Variants in CACNA2D1 observed in about 807,000 individuals in gnomAD.
CACNA2D1 encodes calcium voltage-gated channel auxiliary subunit alpha2delta 1.
In CACNA2D1, 53 loss-of-function variants were observed where a neutral mutation model predicts 171.5. The observed-to-expected ratio is 0.31, with a 90% confidence interval of 0.25 to 0.39. CACNA2D1 has a LOEUF of 0.39. Ranked by LOEUF, CACNA2D1 falls within the 10% of genes least tolerant of loss-of-function variation. The pLI is 1.00. For synonymous variants in CACNA2D1, 442 were observed against 443.1 expected (o/e 1.00, Z 0.03); for missense variants, 903 against 1,299.8 (o/e 0.69, Z 4.69).
rs555567039 is a variant in CACNA2D1, at chr7:82,226,432, CTT to C, written c.295-55825_295-55824del. On this transcript the variant is annotated intron_variant, in intron 3 of 38. Transcript: ENST00000356860. ...ATAGACTTCCTTCCTGGGATGAACA[CTT>C]TTCCTATTACCCATCCCTTCTAGAG... Among the ~76,000 whole-genome samples the C allele has an allele frequency of 1.1e-4, 16 of 152,180 alleles. No homozygotes were observed. In the South Asian group the frequency reaches 3.3e-3, roughly 32 times the overall value.
At chr7:82,334,924 A>G (rs1817806745) in intron 3 of CACNA2D1, among the ~76,000 whole-genome samples, 1 of 151,886 alleles carries the variant, frequency 6.6e-6, no homozygotes, top group Non-Finnish European at 1.5e-5. Flanking sequence ...AACACAGATT[A>G]TTAAAATATA....
chr7:81,951,969 G>GTTTTTT (rs774805421), intron 38 of CACNA2D1, among the ~76,000 whole-genome samples: 6,314 of 71,298 alleles, frequency 0.089, 272 homozygotes, highest in East Asian at 0.21. Context: ...TGTACAAAGT[G>GTTTTTT]TTTTTTTTTT....
chr7:82,138,736 G>A (rs536246928), intron 4 of CACNA2D1, among the ~76,000 whole-genome samples: 58 of 152,142 alleles, frequency 3.8e-4, no homozygotes, highest in African/African-American at 1.3e-3. Flanking sequence ...GTGAGCCACC[G>A]CGCCCGACCT....
At chr7:82,184,743 AT>A (rs1797489217) in intron 3 of CACNA2D1, among the ~76,000 whole-genome samples, 1 of 152,202 alleles carries the variant, frequency 6.6e-6, no homozygotes, top group African/African-American at 2.4e-5. Flanking sequence ...ACATCATGTT[AT>A]TAAGAATAAT....
intron 27 of CACNA2D1, 119 bp from the exon 28 acceptor site, chr7:81,970,103 T>A: frequency 1.4e-6 from 1 of 709,556 alleles, no homozygotes; most frequent in South Asian, 1.5e-5. Flanking sequence ...CTAAAGAAGT[T>A]AGTGGTAATT....
At chr7:82,190,634 T>G (rs1442825814) in intron 3 of CACNA2D1, among the ~76,000 whole-genome samples, 1 of 151,786 alleles carries the variant, frequency 6.6e-6, no homozygotes, top group Admixed American at 6.6e-5. Flanking sequence ...AATACTTTCA[T>G]ACCAAATTTT....
At chr7:82,378,203 T>A (rs1823237471) in intron 1 of CACNA2D1, among the ~76,000 whole-genome samples, 1 of 152,088 alleles carries the variant, frequency 6.6e-6, no homozygotes, top group Non-Finnish European at 1.5e-5. Flanking sequence ...TTCAAGACCA[T>A]CCTGGGCAAC....
chr7:82,270,200 A>G (rs2129348293), intron 3 of CACNA2D1, among the ~76,000 whole-genome samples: 1 of 152,126 alleles, frequency 6.6e-6, no homozygotes, highest in East Asian at 1.9e-4. Flanking sequence ...TTGCTTTTTT[A>G]GTATTTATCC....
At chr7:82,306,823 T>A (rs1185323439) in intron 3 of CACNA2D1, among the ~76,000 whole-genome samples, 1 of 151,674 alleles carries the variant, frequency 6.6e-6, no homozygotes, top group African/African-American at 2.4e-5. Context: ...AAAGAAAACC[T>A]TTTAGTGAGT....
chr7:82,417,767 A>T (rs1444360217), intron 1 of CACNA2D1, among the ~76,000 whole-genome samples: 1 of 152,208 alleles, frequency 6.6e-6, no homozygotes, highest in Non-Finnish European at 1.5e-5. Context: ...AGGAAAGGTA[A>T]AGGCAAAGAT....
intron 3 of CACNA2D1, among the ~76,000 whole-genome samples, chr7:82,273,366 A>C (rs6953724): frequency 0.079 from 12,006 of 151,820 alleles, 1,513 homozygotes; most frequent in African/African-American, 0.27. Context: ...TAAAAACTGG[A>C]GTTCTTCTAA....
chr7:82,245,212 G>A (rs781739020), intron 3 of CACNA2D1, among the ~76,000 whole-genome samples: 1 of 152,148 alleles, frequency 6.6e-6, no homozygotes, highest in Non-Finnish European at 1.5e-5. Context: ...CAAACACTAT[G>A]CCAGCCATGG....
intron 3 of CACNA2D1, among the ~76,000 whole-genome samples, chr7:82,250,353 T>C (rs77342724): frequency 0.033 from 4,971 of 152,292 alleles, 260 homozygotes; most frequent in African/African-American, 0.11. Context: ...TAATACTACG[T>C]GGAGAGAGAA....
chr7:82,249,522 G>A (rs1805373571), intron 3 of CACNA2D1, among the ~76,000 whole-genome samples: 1 of 152,152 alleles, frequency 6.6e-6, no homozygotes, highest in African/African-American at 2.4e-5. Flanking sequence ...CATTTCCTTG[G>A]TTCTTAACTT....
chr7:81,965,619 G>A lies in CACNA2D1; in HGVS notation c.2549C>T (p.Ala850Val). The A allele has an allele frequency of 6.3e-7, 1 of 1,588,488 alleles. No homozygotes were observed. The highest frequency in any genetic ancestry group is 8.6e-7 in the Non-Finnish European group (1 of 1,157,436). ...ILDDGGFLLM[A>V]NHDDYTNQIG... is the part of the protein sequence containing the mutation. ...CTGATTAGTATAATCATCATGATTT[G>A]CCATCAGAAGAAACCCACCATCATC... The change falls in exon 32 of 39, where the codon GCA (alanine) becomes GTA (valine). Residue 850 changes from alanine (A) to valine (V), a missense_variant. Transcript: ENST00000356860.
chr7:82,096,362 G>A (rs1429028822), intron 6 of CACNA2D1, among the ~76,000 whole-genome samples: 3 of 152,044 alleles, frequency 2.0e-5, no homozygotes, highest in Non-Finnish European at 4.4e-5. Flanking sequence ...AGACAGACAG[G>A]ACTTCTAACA....
At chr7:81,994,434 A>G (rs1797840134) in intron 20 of CACNA2D1, among the ~76,000 whole-genome samples, 1 of 152,120 alleles carries the variant, frequency 6.6e-6, no homozygotes. Flanking sequence ...AGCTAAAAAT[A>G]AAAATAATTA....
chr7:82,092,386 T>C (rs1811277177), intron 6 of CACNA2D1, among the ~76,000 whole-genome samples: 1 of 152,004 alleles, frequency 6.6e-6, no homozygotes, highest in South Asian at 2.1e-4. Flanking sequence ...ATTTTTTTTT[T>C]CTTGAGACAG....
At chr7:82,405,390 T>A (rs1050312466) in intron 1 of CACNA2D1, among the ~76,000 whole-genome samples, 2 of 152,196 alleles carry the variant, frequency 1.3e-5, no homozygotes, top group Admixed American at 1.3e-4. Context: ...GGCATTCAAA[T>A]GAGCTAAATT....
Sources: gnomAD v4.1 joint callset for allele counts (sites outside exome capture counted in the v4.1 genomes callset) on GRCh38, gnomAD v4.1.1 for gene constraint, MANE v1.5 for transcripts, NCBI Gene and HGNC (gene_info 2026-07-23, HGNC 2026-07-21) for gene names.